Variants in PCDH15 observed in about 807,000 individuals in gnomAD.
PCDH15 encodes protocadherin related 15.
In PCDH15, 129 loss-of-function variants were observed where a neutral mutation model predicts 178.5. The ratio of observed to expected loss-of-function variants is 0.72; its 90% CI spans 0.63 to 0.84. The LOEUF is 0.84. Among genes scored for constraint, PCDH15 ranks in the 40% least tolerant of loss-of-function variants. PCDH15 has a pLI of 0.00. For missense variants in PCDH15, 2,230 were observed against 2,099.9 expected (o/e 1.06, Z -1.21); for synonymous variants, 800 against 732.0 (o/e 1.09, Z -1.50).
intron 1 of PCDH15, among the ~76,000 whole-genome samples, chr10:55,235,561 CTA>C (rs747474884): frequency 1.3e-5 from 2 of 152,058 alleles, no homozygotes; most frequent in Non-Finnish European, 2.9e-5. Flanking sequence ...AAATGCAAGT[CTA>C]TGCTCACATT....
intron 2 of PCDH15, among the ~76,000 whole-genome samples, chr10:54,643,161 G>A (rs1177987839): frequency 1.3e-5 from 2 of 152,126 alleles, no homozygotes; most frequent in East Asian, 3.9e-4. Flanking sequence ...CTGACCTCAG[G>A]TAATCTGCCC....
chr10:53,888,098 A>G (rs1366390056), intron 26 of PCDH15, among the ~76,000 whole-genome samples: 1 of 151,316 alleles, frequency 6.6e-6, no homozygotes, highest in Admixed American at 6.6e-5. Context: ...AAAAAATGCT[A>G]TTAATACTTT....
At chr10:55,224,227 A>C (rs1378206407) in intron 1 of PCDH15, among the ~76,000 whole-genome samples, 1 of 151,524 alleles carries the variant, frequency 6.6e-6, no homozygotes, top group Non-Finnish European at 1.5e-5. Flanking sequence ...AAACAAAAAA[A>C]CAAAAAGTAC....
At chr10:55,527,473 C>T (rs1156631046) in intron 2 of PCDH15, among the ~76,000 whole-genome samples, 1 of 151,840 alleles carries the variant, frequency 6.6e-6, no homozygotes. Flanking sequence ...AGATTAGGGT[C>T]GATTTACTCC....
chr10:54,950,757 G>T (rs932639048), intron 2 of PCDH15, among the ~76,000 whole-genome samples: 19 of 151,912 alleles, frequency 1.3e-4, no homozygotes. Context: ...ATTGACCTCT[G>T]CCTTGTCTCT....
chr10:53,945,078 C>T (rs1429414435), intron 23 of PCDH15, among the ~76,000 whole-genome samples: 1 of 152,090 alleles, frequency 6.6e-6, no homozygotes, highest in Non-Finnish European at 1.5e-5. Context: ...AATATATTTC[C>T]TCATTGTTAC....
At chr10:55,547,619 A>G (rs1841913024) in intron 2 of PCDH15, among the ~76,000 whole-genome samples, 1 of 152,136 alleles carries the variant, frequency 6.6e-6, no homozygotes, top group Admixed American at 6.6e-5. Flanking sequence ...CATGGCCACA[A>G]ATATGGATCT....
chr10:55,293,330 C>T lies in PCDH15; in HGVS notation c.-156+26269G>A, dbSNP rs1250187788. On this transcript the variant is annotated intron_variant, in intron 1 of 5. Coordinates refer to the PCDH15 transcript ENST00000458638. ...CATTTTGTCCTCTTAGGCCTCAGGG[C>T]CTGTGATGGATGGGGCTGCCATGAA... Among the ~76,000 whole-genome samples the T allele has an allele frequency of 3.3e-5, 5 of 152,284 alleles. No homozygotes were observed. In the South Asian group the frequency reaches 8.3e-4, roughly 25 times the overall value.
At chr10:54,741,234 T>C (rs1944768547) in intron 1 of PCDH15, among the ~76,000 whole-genome samples, 2 of 150,608 alleles carry the variant, frequency 1.3e-5, no homozygotes, top group East Asian at 3.9e-4. Context: ...AATCATACTA[T>C]ATACTAGTAT....
chr10:54,839,343 T>C (rs1217079282), intron 3 of PCDH15, among the ~76,000 whole-genome samples: 1 of 151,970 alleles, frequency 6.6e-6, no homozygotes. Context: ...CAAATAGAAA[T>C]CTTGAATATC....
intron 3 of PCDH15, among the ~76,000 whole-genome samples, chr10:54,396,340 A>G (rs1951219883): frequency 6.6e-6 from 1 of 152,112 alleles, no homozygotes; most frequent in Non-Finnish European, 1.5e-5. Context: ...CTGAAATTCA[A>G]ACTCACCTCC....
chr10:54,307,104 GTATATA>G lies in PCDH15; in HGVS notation c.876+10161_876+10166del, dbSNP rs1170885233. Among the ~76,000 whole-genome samples, 74 of 26,558 alleles carry G rather than the reference GTATATA, an allele frequency of 2.8e-3. 8 individuals are homozygous for G. Among genetic ancestry groups the G allele is most frequent in the African/African-American group, 4.2e-3 (24 of 5,762 alleles). 17.4% of individuals were successfully genotyped at this position (26,558 alleles called of 152,430 possible). On this transcript the variant is annotated intron_variant, in intron 8 of 37. Coordinates refer to ENST00000644397, the MANE Select transcript of PCDH15 (RefSeq NM_001384140.1). ...TACATATATATATATGTGTGTGTGT[GTATATA>G]TATATATATATATATATATATATAT... is the stretch of plus-strand genomic sequence containing the variant.
intron 3 of PCDH15, 57 bp downstream of exon 3, chr10:54,527,754 TA>T: frequency 7.0e-7 from 1 of 1,433,288 alleles, no homozygotes; most frequent in South Asian, 1.2e-5. Context: ...GATTGAGAAT[TA>T]AAATCTGAAG....
intron 2 of PCDH15, among the ~76,000 whole-genome samples, chr10:54,632,977 A>C (rs2093743326): frequency 6.6e-6 from 1 of 152,152 alleles, no homozygotes; most frequent in Non-Finnish European, 1.5e-5. Context: ...TATTAAAAAG[A>C]AACAATGAAA....
Position 54,447,345 on chromosome 10 carries a change from T to G in PCDH15, c.158-68403A>C, listed in dbSNP as rs74629440. On this transcript the variant is annotated intron_variant, in intron 3 of 37. Transcript: ENST00000644397. ...ATCAATTTTTTGAACTTATTCCTCC[T>G]GGCTAACTGGAATTTTGTGTCTTTT... is the stretch of plus-strand genomic sequence containing the variant. Among the ~76,000 whole-genome samples, 3,191 of 151,776 alleles carry G rather than the reference T, an allele frequency of 0.021. 231 individuals are homozygous for G. In the East Asian group the frequency reaches 0.24, roughly 11 times the overall value.
rs181911150 is a variant in PCDH15 at position 54,732,080 on chromosome 10, T to C, written c.-28-67790A>G. On this transcript the variant is annotated intron_variant, in intron 1 of 37. Transcript: ENST00000644397. Reference sequence around the variant, plus strand: ...AATATGTACATCTATTATGAATCAATGCAAAAATTGGAAAAAAAAATTAAA... The same window carrying C: ...AATATGTACATCTATTATGAATCAACGCAAAAATTGGAAAAAAAAATTAAA... Among the ~76,000 whole-genome samples, 568 of 148,596 alleles carry C rather than the reference T, an allele frequency of 3.8e-3. 1 individual carries two copies. The highest frequency in any genetic ancestry group is 0.013 in the African/African-American group (503 of 40,194).
intron 20 of PCDH15, among the ~76,000 whole-genome samples, chr10:54,003,328 T>C (rs2092253035): frequency 6.6e-6 from 1 of 152,088 alleles, no homozygotes; most frequent in Non-Finnish European, 1.5e-5. Context: ...AAGTTTGTTT[T>C]TTTAAAAAGT....
At chr10:55,347,571 C>T (rs1444391777) in intron 2 of PCDH15, among the ~76,000 whole-genome samples, 1 of 152,060 alleles carries the variant, frequency 6.6e-6, no homozygotes, top group Non-Finnish European at 1.5e-5. Context: ...TGTACTTCAG[C>T]AATAGGAGGC....
intron 2 of PCDH15, among the ~76,000 whole-genome samples, chr10:55,524,132 C>A (rs907663460): frequency 6.6e-6 from 1 of 151,216 alleles, no homozygotes; most frequent in Non-Finnish European, 1.5e-5. Context: ...TCTTTATTAC[C>A]ATGAAATTGA....
Sources: allele counts gnomAD v4.1 joint callset (sites outside exome capture counted in the v4.1 genomes callset), GRCh38; gene constraint gnomAD v4.1.1; transcripts MANE v1.5; gene names NCBI Gene and HGNC (gene_info 2026-07-23, HGNC 2026-07-21).